Variants in GALNTL6 observed in about 807,000 individuals in gnomAD.
The protein encoded by GALNTL6 is polypeptide N-acetylgalactosaminyltransferase-like 6.
In GALNTL6, 46 loss-of-function variants were observed where a neutral mutation model predicts 73.7. The ratio of observed to expected loss-of-function variants is 0.62; its 90% CI spans 0.49 to 0.80. The LOEUF (loss-of-function observed/expected upper bound fraction) is 0.80, where lower values mean the gene tolerates loss of function less well. Ranked by LOEUF, GALNTL6 falls within the 30% of genes least tolerant of loss-of-function variation. The probability of loss-of-function intolerance (pLI) is 0.00; values close to 1 mark genes in which losing one functional copy is unlikely to be tolerated. For synonymous variants in GALNTL6, 259 were observed against 263.7 expected (o/e 0.98, Z 0.17); for missense variants, 604 against 755.0 (o/e 0.80, Z 2.34).
intron 5 of GALNTL6, among the ~76,000 whole-genome samples, chr4:172,396,229 C>T (rs1743844604): frequency 2.6e-5 from 4 of 152,096 alleles, no homozygotes; most frequent in African/African-American, 9.7e-5. Context: ...AGTGTCTGCC[C>T]TGAGTGTTAC....
intron 2 of GALNTL6, among the ~76,000 whole-genome samples, chr4:172,206,805 G>GTTTT (rs778156050): frequency 0.016 from 417 of 26,144 alleles, 34 homozygotes; most frequent in African/African-American, 0.032. Flanking sequence ...TTGTTTTTCT[G>GTTTT]TTTTTTTTGT....
At chr4:172,204,832 A>G (rs1021452074) in intron 2 of GALNTL6, among the ~76,000 whole-genome samples, 3 of 152,306 alleles carry the variant, frequency 2.0e-5, no homozygotes, top group African/African-American at 7.2e-5. Flanking sequence ...AACAAGATCT[A>G]GGGATAGTTA....
intron 5 of GALNTL6, among the ~76,000 whole-genome samples, chr4:172,481,676 C>T (rs1413717549): frequency 6.6e-6 from 1 of 152,142 alleles, no homozygotes; most frequent in African/African-American, 2.4e-5. Context: ...CTCCAAGTCC[C>T]CACTAGATTA....
intron 8 of GALNTL6, among the ~76,000 whole-genome samples, chr4:172,899,603 G>A (rs186517947): frequency 1.6e-4 from 25 of 152,232 alleles, no homozygotes; most frequent in African/African-American, 4.8e-4. Context: ...TTACCAGAAA[G>A]GGGTCCTGAT....
intron 3 of GALNTL6, among the ~76,000 whole-genome samples, chr4:172,241,423 G>A (rs1251013375): frequency 6.6e-6 from 1 of 152,182 alleles, no homozygotes; most frequent in Admixed American, 6.5e-5. Flanking sequence ...AAAGACCTTA[G>A]GACCTCATGA....
chr4:172,856,706 G>T (rs1453109026), intron 7 of GALNTL6, among the ~76,000 whole-genome samples: 1 of 152,222 alleles, frequency 6.6e-6, no homozygotes, highest in Non-Finnish European at 1.5e-5. Context: ...GGATAATAAA[G>T]TGTCCAACCT....
intron 5 of GALNTL6, among the ~76,000 whole-genome samples, chr4:172,471,047 A>G (rs756771238): frequency 4.3e-4 from 66 of 152,298 alleles, no homozygotes; most frequent in Non-Finnish European, 8.2e-4. Flanking sequence ...CTGGTAAACA[A>G]CTATAGTCAT....
intron 5 of GALNTL6, 140 bp downstream of exon 5, chr4:172,348,829 C>T (rs568473799): frequency 4.3e-5 from 21 of 488,532 alleles, no homozygotes; most frequent in East Asian, 1.3e-4. Flanking sequence ...GTTGTGATTT[C>T]GTAAAATATT....
intron 5 of GALNTL6, among the ~76,000 whole-genome samples, chr4:172,369,804 C>T (rs917734225): frequency 9.2e-5 from 14 of 152,292 alleles, no homozygotes; most frequent in East Asian, 1.9e-4. Context: ...GGAACTCGCA[C>T]TTGTGCACGA....
intron 2 of GALNTL6, among the ~76,000 whole-genome samples, chr4:172,100,671 T>A (rs1021475911): frequency 4.6e-5 from 7 of 152,196 alleles, no homozygotes; most frequent in African/African-American, 1.7e-4. Context: ...CTCACAATAA[T>A]CTTTCAAGTT....
intron 2 of GALNTL6, among the ~76,000 whole-genome samples, chr4:171,967,452 T>TTTTTGTTTG (rs1560863144): frequency 8.2e-6 from 1 of 122,590 alleles, no homozygotes; most frequent in Non-Finnish European, 1.5e-5. Context: ...TATGGGTTTT[T>TTTTTGTTTG]TTTTTTTTTT....
chr4:172,524,498 G>A (rs1484090698), intron 5 of GALNTL6, among the ~76,000 whole-genome samples: 11 of 152,118 alleles, frequency 7.2e-5, no homozygotes, highest in Admixed American at 7.2e-4. Flanking sequence ...TCTCATTACT[G>A]CATAGCATTC....
At chr4:171,862,459 T>C (rs1421159350) in intron 2 of GALNTL6, among the ~76,000 whole-genome samples, 6 of 152,088 alleles carry the variant, frequency 3.9e-5, no homozygotes, top group Non-Finnish European at 7.4e-5. Context: ...TACATGTTAA[T>C]TTATTTAAAT....
chr4:172,542,780 T>G (rs929040064), intron 5 of GALNTL6, among the ~76,000 whole-genome samples: 1 of 152,142 alleles, frequency 6.6e-6, no homozygotes, highest in Non-Finnish European at 1.5e-5. Context: ...CAGAAAACTT[T>G]TCCACAAAGG....
At chr4:172,901,989 C>T (rs957085354) in intron 8 of GALNTL6, among the ~76,000 whole-genome samples, 1 of 152,244 alleles carries the variant, frequency 6.6e-6, no homozygotes, top group Middle Eastern at 3.4e-3. Flanking sequence ...TCTAGATTAG[C>T]CAGCTGCAGG....
intron 8 of GALNTL6, among the ~76,000 whole-genome samples, chr4:172,886,566 C>G (rs574466329): frequency 2.0e-4 from 31 of 152,278 alleles, no homozygotes; most frequent in Non-Finnish European, 3.1e-4. Flanking sequence ...GAGTTCGAGA[C>G]CAGCCTCATG....
At chr4:171,832,566 T>A (rs1028283513) in intron 2 of GALNTL6, among the ~76,000 whole-genome samples, 1 of 151,370 alleles carries the variant, frequency 6.6e-6, no homozygotes, top group African/African-American at 2.4e-5. Flanking sequence ...ACAATAGGCA[T>A]GTGAATACAT....
intron 2 of GALNTL6, among the ~76,000 whole-genome samples, chr4:172,197,937 G>A (rs764578197): frequency 7.9e-5 from 12 of 151,950 alleles, no homozygotes; most frequent in Non-Finnish European, 1.2e-4. Context: ...GTGAAACCCC[G>A]TCTCTACTAA....
At chr4:171,927,914 A>G (rs1738036528) in intron 2 of GALNTL6, among the ~76,000 whole-genome samples, 1 of 152,112 alleles carries the variant, frequency 6.6e-6, no homozygotes, top group South Asian at 2.1e-4. Context: ...TTAACTTTGG[A>G]CGCCACTCGT....
Sources: allele counts gnomAD v4.1 joint callset (sites outside exome capture counted in the v4.1 genomes callset), GRCh38; gene constraint gnomAD v4.1.1; transcripts MANE v1.5; gene names NCBI Gene and HGNC (gene_info 2026-07-23, HGNC 2026-07-21).